Variants in RARB observed in about 807,000 individuals in gnomAD.
RARB encodes the protein retinoic acid receptor beta, also known as HBV-activated protein.
Under a neutral mutation model 51.9 loss-of-function variants are expected in RARB, and 17 were observed. That is an observed-to-expected ratio of 0.33 (90% CI 0.22 to 0.49). RARB has a LOEUF of 0.49. Among genes scored for constraint, RARB ranks in the 20% least tolerant of loss-of-function variants. RARB has a pLI of 0.99. For synonymous variants in RARB, 215 were observed against 195.4 expected (o/e 1.10, Z -0.84); for missense variants, 369 against 550.8 (o/e 0.67, Z 3.30).
At chr3:25,294,138 G>T (rs926677694) in intron 5 of RARB, among the ~76,000 whole-genome samples, 1 of 152,154 alleles carries the variant, frequency 6.6e-6, no homozygotes, top group Non-Finnish European at 1.5e-5. Flanking sequence ...GTCAGAACTT[G>T]CCAAAAGGAT....
At chr3:25,020,494 C>G (rs1697611519) in intron 2 of RARB, 1 of 152,104 alleles carries the variant, frequency 6.6e-6, no homozygotes, top group Non-Finnish European at 1.5e-5. Context: ...CTCATAATCA[C>G]TTTATTTTGA....
intron 3 of RARB, among the ~76,000 whole-genome samples, chr3:25,091,655 T>A (rs1699202059): frequency 6.6e-6 from 1 of 152,178 alleles, no homozygotes; most frequent in African/African-American, 2.4e-5. Context: ...GGAATATTTG[T>A]GGAGTGGGCA....
At chr3:24,929,949 T>C (rs937478185) in intron 2 of RARB, among the ~76,000 whole-genome samples, 5 of 152,150 alleles carry the variant, frequency 3.3e-5, no homozygotes, top group Non-Finnish European at 5.9e-5. Context: ...TCTTGTTTTT[T>C]CTCTTGTTTC....
chr3:25,576,763 G>A (rs992760792), intron 4 of RARB, among the ~76,000 whole-genome samples: 1 of 148,878 alleles, frequency 6.7e-6, no homozygotes, highest in Non-Finnish European at 1.5e-5. Context: ...TTAAGATCAC[G>A]CCCTCCTGTC....
chr3:25,187,572 G>A (rs940294508), intron 5 of RARB, among the ~76,000 whole-genome samples: 2 of 151,756 alleles, frequency 1.3e-5, no homozygotes, highest in Admixed American at 1.3e-4. Context: ...TTTTTTTTAA[G>A]GCAAATGGCT....
At chr3:25,510,648 TG>T (rs1455904181) in intron 3 of RARB, among the ~76,000 whole-genome samples, 1 of 152,012 alleles carries the variant, frequency 6.6e-6, no homozygotes, top group African/African-American at 2.4e-5. Context: ...TATAATTATG[TG>T]GTTTGATTTA....
intron 3 of RARB, among the ~76,000 whole-genome samples, chr3:25,110,363 G>A (rs752407967): frequency 5.9e-5 from 9 of 152,134 alleles, no homozygotes; most frequent in Non-Finnish European, 8.8e-5. Context: ...TTTTGTCTCC[G>A]AGGAACTTTA....
chr3:25,161,533 G>A (rs897371853), intron 4 of RARB, among the ~76,000 whole-genome samples: 3 of 152,124 alleles, frequency 2.0e-5, no homozygotes, highest in Middle Eastern at 3.4e-3. Context: ...GTAAATTAAC[G>A]ATACTTCTGC....
At chr3:25,265,106 A>G (rs1355316155) in intron 5 of RARB, among the ~76,000 whole-genome samples, 1 of 152,146 alleles carries the variant, frequency 6.6e-6, no homozygotes, top group Non-Finnish European at 1.5e-5. Flanking sequence ...ACTGTGAGAA[A>G]TAAATTTCTG....
intron 2 of RARB, among the ~76,000 whole-genome samples, chr3:24,951,006 T>C (rs41396146): frequency 0.069 from 10,422 of 152,118 alleles, 493 homozygotes; most frequent in East Asian, 0.23. Flanking sequence ...ACTGGGAGAA[T>C]TGGAGACCTG....
intron 2 of RARB, among the ~76,000 whole-genome samples, chr3:24,886,726 G>A (rs537315951): frequency 9.2e-5 from 14 of 152,124 alleles, no homozygotes; most frequent in African/African-American, 2.2e-4. Flanking sequence ...ATGACCCACC[G>A]CGCCTAACCT....
chr3:24,984,375 C>G (rs1218476660), intron 2 of RARB, among the ~76,000 whole-genome samples: 1 of 152,082 alleles, frequency 6.6e-6, no homozygotes, highest in Non-Finnish European at 1.5e-5. Context: ...GTGAGAAGCA[C>G]TGTGTTAAGC....
chr3:25,169,198 A>G (rs1027577332), intron 4 of RARB, among the ~76,000 whole-genome samples: 1 of 152,194 alleles, frequency 6.6e-6, no homozygotes, highest in East Asian at 1.9e-4. Context: ...AACTCTTAGG[A>G]AAAAAGCTAC....
chr3:24,902,038 C>G (rs1424729916), intron 2 of RARB, among the ~76,000 whole-genome samples: 1 of 151,208 alleles, frequency 6.6e-6, no homozygotes, highest in Non-Finnish European at 1.5e-5. Flanking sequence ...TATATGAAAA[C>G]ATACATAAGG....
At chr3:25,221,109 T>C (rs1289435203) in intron 5 of RARB, among the ~76,000 whole-genome samples, 1 of 149,528 alleles carries the variant, frequency 6.7e-6, no homozygotes, top group African/African-American at 2.6e-5. Flanking sequence ...AGAAGTGGAT[T>C]TTCATACAAG....
intron 5 of RARB, among the ~76,000 whole-genome samples, chr3:25,364,947 C>A (rs546641167): frequency 2.0e-5 from 3 of 152,038 alleles, no homozygotes; most frequent in African/African-American, 7.3e-5. Flanking sequence ...TCTGACATAT[C>A]TCAGTTGTAT....
chr3:25,439,352 T>G (rs1233809664), intron 1 of RARB, among the ~76,000 whole-genome samples: 5 of 152,378 alleles, frequency 3.3e-5, no homozygotes. Flanking sequence ...TGAATCATAG[T>G]GCATCTAATT....
intron 5 of RARB, among the ~76,000 whole-genome samples, chr3:25,312,739 C>T (rs1004896294): frequency 6.6e-6 from 1 of 152,112 alleles, no homozygotes; most frequent in Admixed American, 6.5e-5. Context: ...AGATTTCTAA[C>T]CTCTGTTTTA....
At chr3:24,847,583 G>A (rs1329443128) in intron 1 of RARB, among the ~76,000 whole-genome samples, 4 of 152,164 alleles carry the variant, frequency 2.6e-5, no homozygotes, top group Non-Finnish European at 4.4e-5. Context: ...ACTTCCTTTG[G>A]TTGTGGAATT....
Sources: allele counts gnomAD v4.1 joint callset (sites outside exome capture counted in the v4.1 genomes callset), GRCh38; gene constraint gnomAD v4.1.1; transcripts MANE v1.5; gene names NCBI Gene and HGNC (gene_info 2026-07-23, HGNC 2026-07-21).